PPP1R13B: variants seen among roughly 807,000 people sequenced by gnomAD.
PPP1R13B encodes apoptosis-stimulating of p53 protein 1.
PPP1R13B carries 44 observed loss-of-function variants against 119.8 expected under a neutral mutation model. That is an observed-to-expected ratio of 0.37 (90% CI 0.29 to 0.47). The LOEUF (loss-of-function observed/expected upper bound fraction) is 0.47, where lower values mean the gene tolerates loss of function less well. Ranked by LOEUF, PPP1R13B falls within the 20% of genes least tolerant of loss-of-function variation. The probability of loss-of-function intolerance (pLI) is 0.99; values close to 1 mark genes in which losing one functional copy is unlikely to be tolerated. For synonymous variants in PPP1R13B, 542 were observed against 561.5 expected (o/e 0.97, Z 0.49); for missense variants, 1,227 against 1,413.5 (o/e 0.87, Z 2.12).
At chr14:103,757,891 G>T in intron 4 of PPP1R13B, 140 bp from the exon 5 acceptor site, 1 of 557,002 alleles carries the variant, frequency 1.8e-6, no homozygotes, top group Non-Finnish European at 3.1e-6. Context: ...TTTCTTGTAA[G>T]AACTTTTCCT....
At chr14:103,775,162 C>A (rs11628481) in intron 4 of PPP1R13B, among the ~76,000 whole-genome samples, 1 of 152,012 alleles carries the variant, frequency 6.6e-6, no homozygotes, top group Non-Finnish European at 1.5e-5. Context: ...ATATCATATA[C>A]AACACACCTC....
rs976648818 is a variant in PPP1R13B at position 103,742,913 on chromosome 14, C to A, written c.1151-90G>T. On this transcript the variant is annotated intron_variant, in intron 9 of 16. Transcript: ENST00000202556. The surrounding 1 kb of genome is among the most constrained non-coding windows in gnomAD (Gnocchi z 4.9). ...CACTCTGCCAGAAACAAAAACAGCA[C>A]TGGGACATCCCATTCTGATGCAGAT... 5 of 1,413,858 alleles carry A rather than the reference C, an allele frequency of 3.5e-6. No individual in the cohort carries two copies. Among genetic ancestry groups the A allele is most frequent in the Non-Finnish European group, 4.9e-6 (5 of 1,023,774 alleles). 87.6% of individuals were successfully genotyped at this position (1,413,858 alleles called of 1,614,324 possible). A position where few individuals can be genotyped will look rare whatever the true frequency, so the allele number is the denominator to read the frequency against.
intron 1 of PPP1R13B, among the ~76,000 whole-genome samples, chr14:103,814,858 A>G (rs925978610): frequency 6.6e-5 from 10 of 151,828 alleles, no homozygotes; most frequent in African/African-American, 2.2e-4. Flanking sequence ...GGCAGGAGAC[A>G]GGTGTGAACC....
At chr14:103,844,784 AATAAAAT>A (rs2086991312) in intron 1 of PPP1R13B, among the ~76,000 whole-genome samples, 2 of 152,180 alleles carry the variant, frequency 1.3e-5, no homozygotes, top group Non-Finnish European at 2.9e-5. Context: ...CCAATTTTCA[AATAAAAT>A]AAAATATACT....
intron 3 of PPP1R13B, 86 bp downstream of exon 3, chr14:103,784,709 G>C (rs998119105): frequency 7.5e-7 from 1 of 1,325,628 alleles, no homozygotes; most frequent in African/African-American, 1.5e-5. Context: ...CCGGGTGTGT[G>C]TGAATAATTT....
chr14:103,757,075 T>C (rs1289497202), intron 5 of PPP1R13B, among the ~76,000 whole-genome samples: 1 of 151,602 alleles, frequency 6.6e-6, no homozygotes, highest in African/African-American at 2.4e-5. Flanking sequence ...TTTTTTTTTT[T>C]TAATACAGGG....
intron 4 of PPP1R13B, among the ~76,000 whole-genome samples, chr14:103,771,254 A>C (rs919778292): frequency 3.3e-5 from 5 of 152,142 alleles, no homozygotes; most frequent in Admixed American, 6.6e-5. Flanking sequence ...GAAAGGCCTG[A>C]CTTTATCCAG....
At chr14:103,800,037 G>T (rs1482137452) in intron 1 of PPP1R13B, among the ~76,000 whole-genome samples, 1 of 151,904 alleles carries the variant, frequency 6.6e-6, no homozygotes, top group African/African-American at 2.4e-5. Flanking sequence ...GGGTGACAGA[G>T]CAAGACTCTA....
At chr14:103,774,803 C>T (rs563115914) in intron 4 of PPP1R13B, among the ~76,000 whole-genome samples, 1 of 152,252 alleles carries the variant, frequency 6.6e-6, no homozygotes, top group Admixed American at 6.5e-5. Flanking sequence ...GCACGTAAAA[C>T]CGCTCTGTAG....
intron 1 of PPP1R13B, among the ~76,000 whole-genome samples, chr14:103,829,226 T>C (rs2086615365): frequency 6.6e-6 from 1 of 152,206 alleles, no homozygotes; most frequent in African/African-American, 2.4e-5. Context: ...ACTACTGCTG[T>C]GCTTGTTAAT....
At chr14:103,735,907 G>C (rs2084096264) in intron 16 of PPP1R13B, 96 bp downstream of exon 16, 4 of 1,366,238 alleles carry the variant, frequency 2.9e-6, no homozygotes, top group Non-Finnish European at 3.0e-6. Context: ...GCTCAGAGAA[G>C]CGAAGCCTCC....
intron 8 of PPP1R13B, among the ~76,000 whole-genome samples, chr14:103,748,596 T>G (rs1057086651): frequency 1.3e-5 from 2 of 152,230 alleles, no homozygotes; most frequent in Non-Finnish European, 2.9e-5. Flanking sequence ...GAGGGCAGAA[T>G]GCACTCAGCT....
At chr14:103,811,073 G>C (rs2086142123) in intron 1 of PPP1R13B, among the ~76,000 whole-genome samples, 3 of 134,752 alleles carry the variant, frequency 2.2e-5, no homozygotes, top group Admixed American at 8.1e-5. Flanking sequence ...CCAGCCTAGA[G>C]GACAGCGTGA....
chr14:103,790,480 C>A (rs959000263), intron 2 of PPP1R13B, among the ~76,000 whole-genome samples: 1 of 151,832 alleles, frequency 6.6e-6, no homozygotes, highest in African/African-American at 2.4e-5. Context: ...GGGTTTAGTG[C>A]CCCTACAAAA....
intron 1 of PPP1R13B, among the ~76,000 whole-genome samples, chr14:103,804,839 G>C (rs2085980155): frequency 6.6e-6 from 1 of 152,134 alleles, no homozygotes; most frequent in Admixed American, 6.6e-5. Context: ...ATATATTGGT[G>C]ATGAAGATGT....
intron 4 of PPP1R13B, among the ~76,000 whole-genome samples, chr14:103,764,912 G>A (rs1309385806): frequency 6.6e-6 from 1 of 151,914 alleles, no homozygotes; most frequent in Non-Finnish European, 1.5e-5. Context: ...TCTGCCTCCC[G>A]GGTTCATGCC....
At chr14:103,735,251 A>G in intron 16 of PPP1R13B, 56 bp from the exon 17 acceptor site, 1 of 1,586,040 alleles carries the variant, frequency 6.3e-7, no homozygotes. Flanking sequence ...GAGCAGGGCC[A>G]GCCAGACCCG....
In PPP1R13B at chr14:103,750,573, G is replaced by A. The variant is rs1030218163; in HGVS notation, c.829-639C>T. 8.5e-5 allele frequency among the ~76,000 whole-genome samples: 13 copies of A among 152,162 alleles called. No homozygotes were observed. The South Asian group carries it at 1.9e-3, about 22-fold the overall frequency. ...AGGCCGGGTGCGGTGGCTCACGCCT[G>A]TAATCCCAGCACTCTGGGAGGCCGA... On this transcript the variant is annotated intron_variant, in intron 7 of 16. Coordinates refer to ENST00000202556, the MANE Select transcript of PPP1R13B (RefSeq NM_015316.3).
At chr14:103,809,021 C>T (rs894517893) in intron 1 of PPP1R13B, among the ~76,000 whole-genome samples, 1 of 152,038 alleles carries the variant, frequency 6.6e-6, no homozygotes, top group African/African-American at 2.4e-5. Flanking sequence ...AAAAGCGCAC[C>T]ACAGCTAATT....
Sources: allele counts gnomAD v4.1 joint callset (sites outside exome capture counted in the v4.1 genomes callset), GRCh38; gene constraint gnomAD v4.1.1; non-coding constraint Gnocchi (gnomAD v3.1); transcripts MANE v1.5; gene names NCBI Gene and HGNC (gene_info 2026-07-23, HGNC 2026-07-21).